Variants in PYGL observed in about 807,000 individuals in gnomAD.
PYGL encodes glycogen phosphorylase, liver form.
A neutral mutation model predicts 100.1 loss-of-function variants in PYGL; 90 were observed. The observed-to-expected ratio is 0.90, with a 90% confidence interval of 0.76 to 1.07. The LOEUF (loss-of-function observed/expected upper bound fraction) is 1.07. Among genes scored for constraint, PYGL ranks in the 50% least tolerant of loss-of-function variants. The pLI is 0.00. For synonymous variants in PYGL, 373 were observed against 393.0 expected (o/e 0.95, Z 0.60); for missense variants, 1,016 against 1,057.6 (o/e 0.96, Z 0.55).
intron 2 of PYGL, 35 bp from the exon 3 acceptor site, chr14:50,935,220 T>A (rs1214284252): frequency 6.4e-7 from 1 of 1,562,202 alleles, no homozygotes; most frequent in Non-Finnish European, 8.8e-7. Flanking sequence ...TGGAAGCAGA[T>A]AAAAATTCAG....
intron 6 of PYGL, among the ~76,000 whole-genome samples, 160 bp from the exon 7 acceptor site, chr14:50,920,783 A>T (rs2050493143): frequency 6.6e-6 from 1 of 152,184 alleles, no homozygotes; most frequent in African/African-American, 2.4e-5. Context: ...TTCACATGAG[A>T]ATTGCTTTAA....
rs1287138291 is a variant in PYGL at position 50,908,893 on chromosome 14, T to A, written c.2240A>T (p.Asp747Val). The stretch of plus-strand genomic sequence containing the variant: ...CTGCTTGGGAGAAAAAAAGCCATTG[T>A]CAATTTGATCAATGACCAGCTTCAG... Reference protein sequence around the residue: ...PELKLVIDQIDNGFFSPKQPD... With the variant: ...PELKLVIDQIVNGFFSPKQPD... Residue 747 changes from aspartate (D) to valine (V), a missense_variant, in exon 18 of 20, where the codon GAC (aspartate) becomes GTC (valine). Asp to Val is a radical substitution (Grantham distance 152). Transcript: ENST00000216392. 6.3e-7 allele frequency: 1 copy of A among 1,586,790 alleles called. No individual in the cohort carries two copies. Among genetic ancestry groups the A allele is most frequent in the South Asian group, 1.1e-5 (1 of 90,508 alleles).
chr14:50,915,677 G>A, intron 10 of PYGL, 148 bp downstream of exon 10: 1 of 1,399,548 alleles, frequency 7.1e-7, no homozygotes, highest in Non-Finnish European at 9.8e-7. Flanking sequence ...CTTTCAAAAA[G>A]CTGCCTTTGT....
intron 9 of PYGL, among the ~76,000 whole-genome samples, chr14:50,916,266 G>A (rs868176970): frequency 6.6e-6 from 1 of 152,206 alleles, no homozygotes; most frequent in Admixed American, 6.5e-5. Flanking sequence ...GGATAAAAAC[G>A]TAAATAGTGC....
intron 19 of PYGL, 35 bp downstream of exon 19, chr14:50,908,236 C>T: frequency 6.6e-7 from 1 of 1,507,600 alleles, no homozygotes; most frequent in Admixed American, 1.7e-5. Flanking sequence ...TCATAGTAAA[C>T]TGGTTTTCTT....
Position 50,931,720 on chromosome 14 carries a change from G to A in PYGL, c.481C>T (p.Arg161Trp), listed in dbSNP as rs749811385. ...TGATTGAAAATCCCATATTCATACC[G>A]AATGCCGTATCCATAGGCTGCAAGT... ...LGLAAYGYGI[R>W]YEYGIFNQKI... Residue 161 changes from arginine to tryptophan, a missense_variant, in exon 4 of 20, where the codon CGG becomes TGG. Coordinates refer to ENST00000216392, the MANE Select transcript of PYGL (RefSeq NM_002863.5). 1.7e-5 allele frequency: 27 copies of A among 1,613,732 alleles called. No homozygotes were observed. In the Admixed American group the frequency reaches 2.5e-4, roughly 15 times the overall value.
intron 1 of PYGL, 131 bp from the exon 2 acceptor site, chr14:50,937,968 G>A (rs1447727734): frequency 1.2e-6 from 1 of 819,406 alleles, no homozygotes; most frequent in Non-Finnish European, 2.0e-6. Flanking sequence ...AGGTTCGAAT[G>A]AGACTCCCGT....
intron 17 of PYGL, 114 bp downstream of exon 17, chr14:50,909,781 C>T: frequency 8.2e-7 from 1 of 1,215,492 alleles, no homozygotes; most frequent in Non-Finnish European, 1.2e-6. Context: ...GCTGCCACCT[C>T]TTATGTGATC....
At chr14:50,940,541 T>C (rs901161249) in intron 1 of PYGL, among the ~76,000 whole-genome samples, 3 of 152,224 alleles carry the variant, frequency 2.0e-5, no homozygotes, top group African/African-American at 7.2e-5. Context: ...GTAAGGTGAT[T>C]CCCTGTTTTC....
chr14:50,944,438 G>T lies in PYGL; in HGVS notation c.-35C>A. On this transcript the variant is annotated 5_prime_UTR_variant, in exon 1 of 20. The change creates a new upstream start codon in the 5' untranslated region. Transcript: ENST00000216392. ...GGCGGGCTGCGCGGCGGGCTGCGCA[G>T]AGAGCTGGAAGTGCGGCCGGAGGCG... 1 of 1,576,814 alleles carries T rather than the reference G, an allele frequency of 6.3e-7. No homozygotes were observed. The highest frequency in any genetic ancestry group is 8.6e-7 in the Non-Finnish European group (1 of 1,164,868).
Position 50,912,217 on chromosome 14 carries a change from C to T in PYGL, c.1707G>A (p.Lys569=). Residue 569 remains lysine (K), a synonymous_variant, in exon 14 of 20, where the codon AAG becomes AAA. Coordinates refer to ENST00000216392, the MANE Select transcript of PYGL (RefSeq NM_002863.5). ...NPSSMFDVQV[K]RIHEYKRQLL... is the part of the protein sequence containing the mutation. ...GCTGTCGCTTGTACTCATGTATCCT[C>T]TTCACCTGGACATCAAACATGGAGG... is the stretch of plus-strand genomic sequence containing the variant. 1 of 1,614,198 alleles carries T rather than the reference C, an allele frequency of 6.2e-7. No homozygotes were observed.
intron 5 of PYGL, chr14:50,923,687 CAAAAAAA>C (rs762951824): frequency 1.3e-3 from 156 of 119,534 alleles, no homozygotes; most frequent in African/African-American, 5.4e-3. Context: ...AATTTTCTGG[CAAAAAAA>C]AAAAAAAAAA....
chr14:50,914,593 G>T, intron 12 of PYGL, 108 bp downstream of exon 12: 2 of 861,952 alleles, frequency 2.3e-6, no homozygotes, highest in South Asian at 1.4e-5. Context: ...CAAACCACAT[G>T]CTGAGGAAGC....
rs769975331 is a variant in PYGL at position 50,908,980 on chromosome 14, A to T, written c.2178-25T>A. ...CCTGTGGGGTAGGGGTGGGTGGGTG[A>T]TAAAAAAAGGCTCTGTTATTGTGTT... On this transcript the variant is annotated intron_variant, in intron 17 of 19. Coordinates refer to ENST00000216392, the MANE Select transcript of PYGL (RefSeq NM_002863.5). The T allele has an allele frequency of 3.3e-6, 5 of 1,511,382 alleles. No homozygotes were observed. The African/African-American group carries it at 8.0e-5, about 24-fold the overall frequency. 93.6% of individuals were successfully genotyped at this position (1,511,382 alleles called of 1,614,324 possible).
At chr14:50,938,161 A>G (rs2050672340) in intron 1 of PYGL, among the ~76,000 whole-genome samples, 2 of 152,328 alleles carry the variant, frequency 1.3e-5, no homozygotes, top group Admixed American at 6.5e-5. Flanking sequence ...CCTCCTTTTT[A>G]ATGATTCCAA....
chr14:50,924,536 A>G (rs934085583), intron 4 of PYGL, among the ~76,000 whole-genome samples: 2 of 152,170 alleles, frequency 1.3e-5, no homozygotes, highest in African/African-American at 2.4e-5. Context: ...AGTCCTACAC[A>G]AAGGGTTCAG....
At chr14:50,915,598 A>G (rs2050439674) in intron 10 of PYGL, 99 bp from the exon 11 acceptor site, 4 of 1,507,368 alleles carry the variant, frequency 2.7e-6, no homozygotes, top group African/African-American at 1.4e-5. Flanking sequence ...GGTGTACTCA[A>G]TATAAACTTC....
chr14:50,905,395 A>G lies in PYGL; in HGVS notation c.2541T>C (p.Asn847=), dbSNP rs1279497465. Reference sequence around the variant, plus strand: ...TTTCTAGAGACAATTCTAGAGTTCAATTTCCATTGACTTTGTTAGATTCAT... The same window carrying G: ...TTTCTAGAGACAATTCTAGAGTTCAGTTTCCATTGACTTTGTTAGATTCAT... The part of the protein sequence containing the change: ...LSNESNKVNG[N] The change falls in exon 20 of 20, where the codon AAT becomes AAC. Residue 847 remains asparagine, a synonymous_variant. Coordinates refer to ENST00000216392, the MANE Select transcript of PYGL (RefSeq NM_002863.5). 1.6e-5 allele frequency: 25 copies of G among 1,611,302 alleles called. No individual in the cohort carries two copies. Among genetic ancestry groups the G allele is most frequent in the Non-Finnish European group, 2.1e-5 (25 of 1,177,534 alleles).
intron 12 of PYGL, 162 bp from the exon 13 acceptor site, chr14:50,913,292 G>C (rs1025726403): frequency 1.6e-6 from 1 of 619,384 alleles, no homozygotes; most frequent in Admixed American, 2.5e-5. Context: ...TAAAGTCTAT[G>C]TGAGAAGAAC....
Sources: allele counts gnomAD v4.1 joint callset (sites outside exome capture counted in the v4.1 genomes callset), GRCh38; gene constraint gnomAD v4.1.1; transcripts MANE v1.5; gene names NCBI Gene and HGNC (gene_info 2026-07-23, HGNC 2026-07-21).